Variants in CAMK2A observed in about 807,000 individuals in gnomAD.
CAMK2A encodes calcium/calmodulin-dependent protein kinase type II subunit alpha.
In CAMK2A, 7 loss-of-function variants were observed where a neutral mutation model predicts 79.2. The observed-to-expected ratio is 0.09, with a 90% CI of 0.05 to 0.17. The LOEUF (loss-of-function observed/expected upper bound fraction) is 0.17, where lower values mean the gene tolerates loss of function less well. Among genes scored for constraint, CAMK2A ranks in the 10% least tolerant of loss-of-function variants. The pLI is 1.00. For missense variants in CAMK2A, 214 were observed against 646.4 expected (o/e 0.33, Z 7.25); for synonymous variants, 242 against 251.7 (o/e 0.96, Z 0.36).
intron 13 of CAMK2A, among the ~76,000 whole-genome samples, chr5:150,240,721 C>A (rs558202280): frequency 1.3e-5 from 2 of 152,344 alleles, no homozygotes; most frequent in African/African-American, 4.8e-5. Flanking sequence ...CTGCACAAGG[C>A]CTCGCGGCAA....
chr5:150,258,758 A>C (rs534785941), intron 3 of CAMK2A, among the ~76,000 whole-genome samples: 1 of 152,278 alleles, frequency 6.6e-6, no homozygotes, highest in East Asian at 1.9e-4. Context: ...GAGTCCCCTG[A>C]ATTGTTTATG....
At position 150,256,172 on chromosome 5, in the gene CAMK2A, G is replaced by T. The variant is rs1361363089; in HGVS notation, c.411+401C>A. 1.2e-4 allele frequency among the ~76,000 whole-genome samples: 18 copies of T among 152,204 alleles called. No individual in the cohort carries two copies. The highest frequency in any genetic ancestry group is 1.1e-3 in the Admixed American group (17 of 15,284). On this transcript the variant is annotated intron_variant, in intron 6 of 18. Coordinates refer to ENST00000671881, the MANE Select transcript of CAMK2A (RefSeq NM_015981.4). This position sits in a 1 kb window ranked among gnomAD's most constrained non-coding sequence, Gnocchi z 4.6. Reference sequence around the variant, plus strand: ...ATATCCTCACCAACCCTTTGCAGAGGTTGCTATGGCAACCCCCATTGTGAA... The same window carrying T: ...ATATCCTCACCAACCCTTTGCAGAGTTTGCTATGGCAACCCCCATTGTGAA...
Position 150,250,134 on chromosome 5 carries a change from G to C in CAMK2A, c.900+92C>G, listed in dbSNP as rs986757671. ...ATAAATGCTTATTGAATCAATGAAG[G>C]AAAGAATTAGTGAGCGAGTCTCCTG... On this transcript the variant is annotated intron_variant, in intron 11 of 18. Coordinates refer to ENST00000671881, the MANE Select transcript of CAMK2A (RefSeq NM_015981.4). The C allele has an allele frequency of 2.8e-5, 26 of 916,942 alleles. 1 individual carries two copies. Among genetic ancestry groups the C allele is most frequent in the African/African-American group, 8.2e-5 (5 of 61,202 alleles). 56.8% of individuals were successfully genotyped at this position (916,942 alleles called of 1,614,324 possible).
Position 150,284,450 on chromosome 5 carries a change from C to T in CAMK2A, c.62+5114G>A, listed in dbSNP as rs552352027. ...GAGGGCCATGGCCCAGACTGCAGGG[C>T]ATGCTGGCAGCAGTGTCACTGTGTG... is the stretch of plus-strand genomic sequence containing the variant. On this transcript the variant is annotated intron_variant, in intron 1 of 18. Transcript: ENST00000671881. This position sits in a 1 kb window ranked among gnomAD's most constrained non-coding sequence, Gnocchi z 5.3. 6.8e-6 allele frequency among the ~76,000 whole-genome samples: 1 copy of T among 146,418 alleles called. No homozygotes were observed. Among genetic ancestry groups the T allele is most frequent in the South Asian group, 2.3e-4 (1 of 4,390 alleles).
Position 150,276,257 on chromosome 5 carries a change from C to T in CAMK2A, c.63-3098G>A, listed in dbSNP as rs145725338. ...ATCCCCATCTAACTTAGATTGGTGG[C>T]GGCTCCTCCACCTGCTTATTTCTCC... On this transcript the variant is annotated intron_variant, in intron 1 of 18. Transcript: ENST00000671881. Among the ~76,000 whole-genome samples the T allele has an allele frequency of 3.0e-3, 457 of 152,290 alleles. 3 individuals carry two copies. Among genetic ancestry groups the T allele is most frequent in the African/African-American group, 0.011 (439 of 41,562 alleles).
In CAMK2A at chr5:150,251,311, C is replaced by A. The variant is rs1362076077; in HGVS notation, c.693+439G>T. 2.0e-5 allele frequency among the ~76,000 whole-genome samples: 3 copies of A among 152,318 alleles called. No individual in the cohort carries two copies. In the East Asian group the frequency reaches 5.8e-4, roughly 29 times the overall value. ...TGCCTGGTTCAAATCCCACCTCTAC[C>A]ATTTCTTAGCTGTGTGATCTAGGCA... On this transcript the variant is annotated intron_variant, in intron 9 of 18. Coordinates refer to ENST00000671881, the MANE Select transcript of CAMK2A (RefSeq NM_015981.4).
At chr5:150,250,093 A>AC in intron 11 of CAMK2A, 133 bp downstream of exon 11, 1 of 672,196 alleles carries the variant, frequency 1.5e-6, no homozygotes, top group South Asian at 1.7e-5. Context: ...GCTGTCCAGT[A>AC]TGCAGTAGGT....
rs748564351 is a variant in CAMK2A at position 150,289,759 on chromosome 5, G to A, written c.-134C>T. ...CAAACAGAGAACCGGTTTGACTGAC[G>A]AGCCCGGGGCTTCTGAGCAGGGCAC... is the stretch of plus-strand genomic sequence containing the variant. On this transcript the variant is annotated 5_prime_UTR_variant, in exon 1 of 19. Transcript: ENST00000671881. The A allele has an allele frequency of 4.4e-5, 29 of 655,726 alleles. No individual in the cohort carries two copies. The highest frequency in any genetic ancestry group is 9.9e-5 in the Admixed American group (4 of 40,440). The allele number at this position is 655,726 out of a possible 1,614,324, so 40.6% of individuals were successfully genotyped here. A position where few individuals can be genotyped will look rare whatever the true frequency, so the allele number is the denominator to read the frequency against.
At chr5:150,257,414 T>A (rs765187329) in intron 4 of CAMK2A, 149 bp downstream of exon 4, 2 of 650,976 alleles carry the variant, frequency 3.1e-6, no homozygotes, top group Non-Finnish European at 5.6e-6. Context: ...TTTAGGAAAG[T>A]CAGCTTGCAC....
At chr5:150,247,872 G>C in intron 11 of CAMK2A, 58 bp from the exon 12 acceptor site, 1 of 1,470,170 alleles carries the variant, frequency 6.8e-7, no homozygotes, top group Non-Finnish European at 9.5e-7. Context: ...GGACCCAGGA[G>C]GGACAGAGAG....
At chr5:150,283,794 C>T (rs1056955659) in intron 1 of CAMK2A, among the ~76,000 whole-genome samples, 1 of 152,186 alleles carries the variant, frequency 6.6e-6, no homozygotes, top group Non-Finnish European at 1.5e-5. Flanking sequence ...GCATGCTGGG[C>T]TCAACCTAGG....
rs745420017 is a variant in CAMK2A, at chr5:150,223,262, C to T, written c.1238-45G>A. ...GGGCAGAGGAGATGCAACCGGGGGC[C>T]TCCTGTCTCACTTTCTTCACTTTCT... On this transcript the variant is annotated intron_variant, in intron 17 of 18. Coordinates refer to ENST00000671881, the MANE Select transcript of CAMK2A (RefSeq NM_015981.4). This position sits in a 1 kb window ranked among gnomAD's most constrained non-coding sequence, Gnocchi z 4.1. 2.7e-6 allele frequency: 4 copies of T among 1,466,596 alleles called. No individual in the cohort carries two copies. In the Admixed American group the frequency reaches 5.2e-5, roughly 19 times the overall value. 90.8% of individuals were successfully genotyped at this position (1,466,596 alleles called of 1,614,324 possible). A position where few individuals can be genotyped will look rare whatever the true frequency, so the allele number is the denominator to read the frequency against.
At chr5:150,251,902 G>A in intron 8 of CAMK2A, 58 bp from the exon 9 acceptor site, 1 of 1,538,808 alleles carries the variant, frequency 6.5e-7, no homozygotes, top group Non-Finnish European at 9.0e-7. Context: ...TGGGGGGAGG[G>A]GAGTGATGGG....
At chr5:150,227,340 A>T (rs1409692867) in intron 17 of CAMK2A, among the ~76,000 whole-genome samples, 1 of 152,202 alleles carries the variant, frequency 6.6e-6, no homozygotes, top group South Asian at 2.1e-4. Context: ...GAGAGAATTA[A>T]GAAGGAAAGA....
chr5:150,226,121 A>G (rs1198720680), intron 17 of CAMK2A, among the ~76,000 whole-genome samples: 1 of 152,172 alleles, frequency 6.6e-6, no homozygotes, highest in Non-Finnish European at 1.5e-5. Context: ...TCTTCTTCAC[A>G]ACTTTTTGGA....
chr5:150,272,849 T>C (rs1282101462), intron 2 of CAMK2A, among the ~76,000 whole-genome samples: 1 of 151,558 alleles, frequency 6.6e-6, no homozygotes, highest in Non-Finnish European at 1.5e-5. Flanking sequence ...GAGCTTGGCC[T>C]GTCTGGGCGA....
intron 2 of CAMK2A, among the ~76,000 whole-genome samples, chr5:150,269,019 G>A (rs1317851431): frequency 3.3e-5 from 5 of 151,930 alleles, no homozygotes; most frequent in African/African-American, 1.2e-4. Context: ...TCCCACCTCC[G>A]CCTCCCAAAG....
chr5:150,278,164 C>T (rs1022683162), intron 1 of CAMK2A, among the ~76,000 whole-genome samples: 1 of 152,040 alleles, frequency 6.6e-6, no homozygotes, highest in African/African-American at 2.4e-5. Flanking sequence ...GTAACTAGTG[C>T]AAAACACTTG....
At chr5:150,279,894 C>T (rs1358191466) in intron 1 of CAMK2A, among the ~76,000 whole-genome samples, 1 of 152,218 alleles carries the variant, frequency 6.6e-6, no homozygotes, top group Non-Finnish European at 1.5e-5. Context: ...ACAAGGTGGC[C>T]TGGGTGTAGC....
Sources: allele counts gnomAD v4.1 joint callset (sites outside exome capture counted in the v4.1 genomes callset), GRCh38; gene constraint gnomAD v4.1.1; non-coding constraint Gnocchi (gnomAD v3.1); transcripts MANE v1.5; gene names NCBI Gene and HGNC (gene_info 2026-07-23, HGNC 2026-07-21).